Variants in RELA observed in about 807,000 individuals in gnomAD.
The protein encoded by RELA is transcription factor p65.
A neutral mutation model predicts 56.7 loss-of-function variants in RELA; 14 were observed. That is an observed-to-expected ratio of 0.25 (90% confidence interval 0.16 to 0.39). RELA has a LOEUF of 0.39. RELA is among the 10% of genes least tolerant of loss of function. RELA has a pLI of 1.00. For missense variants in RELA, 559 were observed against 736.4 expected, an observed-to-expected ratio of 0.76 and a Z score of 2.79; for synonymous variants, 315 against 289.7, an observed-to-expected ratio of 1.09 and a Z score of -0.89.
rs770416604 is a variant in RELA, at chr11:65,661,970, G to C, written c.153C>G (p.Ser51Arg). ...RSAGSIPGER[S>R]TDTTKTHPTI... ...TGGGGTGGGTCTTGGTGGTATCTGT[G>C]CTCCTCTCGCCTGGGATGCTGCCCG... The change falls in exon 3 of 11, where the codon AGC becomes AGG. Residue 51 changes from serine (S) to arginine (R), a missense_variant. By Grantham distance (110) the Ser-to-Arg change is moderately radical. Around this residue, in one of 4 missense-constraint regions of RELA, gnomAD observed 24 missense variants for 75.5 expected, o/e 0.32. Transcript: ENST00000406246. 1 of 1,613,900 alleles carries C rather than the reference G, an allele frequency of 6.2e-7. No homozygotes were observed.
Position 65,658,222 on chromosome 11 carries a change from AG to A in RELA, c.877+64del. 8.1e-7 allele frequency: 1 copy of A among 1,235,504 alleles called. No individual in the cohort carries two copies. The highest frequency in any genetic ancestry group is 1.4e-5 in the South Asian group (1 of 69,276). 76.5% of individuals were successfully genotyped at this position (1,235,504 alleles called of 1,614,324 possible). On this transcript the variant is annotated intron_variant, in intron 8 of 10. Coordinates refer to ENST00000406246, the MANE Select transcript of RELA (RefSeq NM_021975.4). The surrounding 1 kb of genome is among the most constrained non-coding windows in gnomAD (Gnocchi z 4.5). ...CCCTCAACCACAGCCCCAGACATGC[AG>A]TCTTGGCCTCTCTCTCACGGCACAG...
chr11:65,661,343 G>A (rs555133164), intron 4 of RELA: 1 of 218,344 alleles, frequency 4.6e-6, no homozygotes, highest in South Asian at 1.4e-4. Flanking sequence ...TTTTTTTACA[G>A]CCTGTCTCTG....
intron 8 of RELA, 103 bp from the exon 9 acceptor site, chr11:65,656,038 G>T: frequency 1.1e-6 from 1 of 935,660 alleles, no homozygotes; most frequent in Non-Finnish European, 1.7e-6. Flanking sequence ...GCTTTCCCAA[G>T]ACCCATTCTC....
intron 10 of RELA, 124 bp downstream of exon 10, chr11:65,655,564 G>T: frequency 1.1e-6 from 1 of 945,226 alleles, no homozygotes; most frequent in Non-Finnish European, 1.7e-6. Flanking sequence ...TGGTTCCTGC[G>T]CCATCCTTTC....
In RELA at chr11:65,661,798, G is replaced by C; in HGVS notation, c.224C>G (p.Ser75Cys). 5.0e-6 allele frequency: 8 copies of C among 1,613,874 alleles called. No homozygotes were observed. Among genetic ancestry groups the C allele is most frequent in the Non-Finnish European group, 6.8e-6 (8 of 1,179,910 alleles). ...GYTGPGTVRI[S>C]LVTKDPPHRP... ...GTGAGGAGGGTCCTTGGTGACCAGG[G>C]AGATGCGCACTGTCCCTGGTCCTGT... Residue 75 changes from serine (S) to cysteine (C), a missense_variant, in exon 4 of 11, where the codon TCC becomes TGC. Physicochemically the swap from Ser to Cys is moderately radical, Grantham distance 112. Coordinates refer to ENST00000406246, the MANE Select transcript of RELA (RefSeq NM_021975.4).
At position 65,662,417 on chromosome 11, in the gene RELA, C is replaced by T. The variant is rs1007409203; in HGVS notation, c.8-212G>A. 1.2e-5 allele frequency: 7 copies of T among 563,402 alleles called. No individual in the cohort carries two copies. In the South Asian group the frequency reaches 1.5e-4, roughly 12 times the overall value. 34.9% of individuals were successfully genotyped at this position (563,402 alleles called of 1,614,324 possible). ...GAAAACGGGGTAAGGAATCCTTCTT[C>T]TCCAGAGGGAAGCTGAATCAGGGCC... On this transcript the variant is annotated intron_variant, in intron 1 of 10. Transcript: ENST00000406246.
intron 10 of RELA, chr11:65,655,341 C>T (rs1269888824): frequency 1.6e-5 from 9 of 566,890 alleles, no homozygotes; most frequent in East Asian, 8.8e-5. Flanking sequence ...AAGTGAGCAG[C>T]GGCCTGAAGT....
Position 65,654,170 on chromosome 11 carries a change from G to T in RELA, c.*208C>A, listed in dbSNP as rs951804350. ...TTTCCCCAGCTCCCCCCTTTCCAGA[G>T]AAGTTAATGCTTCTGCTTAAGCACC... On this transcript the variant is annotated 3_prime_UTR_variant, in exon 11 of 11. Coordinates refer to ENST00000406246, the MANE Select transcript of RELA (RefSeq NM_021975.4). The T allele has an allele frequency of 7.3e-5, 51 of 700,826 alleles. No individual in the cohort carries two copies. Among genetic ancestry groups the T allele is most frequent in the Admixed American group, 5.3e-4 (24 of 45,490 alleles). 43.4% of individuals were successfully genotyped at this position (700,826 alleles called of 1,614,324 possible).
rs1006639532 is a variant in RELA, at chr11:65,660,049, G to A, written c.427+75C>T. On this transcript the variant is annotated intron_variant, in intron 5 of 10. Transcript: ENST00000406246. ...TTCCAGCTTTACTGTGTCTTGGCCA[G>A]TGAGGGAGATGCAGGAAAGGCGGGC... is the stretch of plus-strand genomic sequence containing the variant. 71 of 1,429,772 alleles carry A rather than the reference G, an allele frequency of 5.0e-5. 1 individual carries two copies. The highest frequency in any genetic ancestry group is 6.7e-5 in the Admixed American group (4 of 59,668). 88.6% of individuals were successfully genotyped at this position (1,429,772 alleles called of 1,614,324 possible).
intron 6 of RELA, among the ~76,000 whole-genome samples, chr11:65,659,324 C>T (rs1479081783): frequency 6.6e-6 from 1 of 152,176 alleles, no homozygotes; most frequent in Non-Finnish European, 1.5e-5. Context: ...ATCACTGAAT[C>T]ATCATTCTCG....
At position 65,654,189 on chromosome 11, in the gene RELA, A is replaced by T; in HGVS notation, c.*189T>A. 1.3e-6 allele frequency: 1 copy of T among 780,680 alleles called. No individual in the cohort carries two copies. Among genetic ancestry groups the T allele is most frequent in the Non-Finnish European group, 2.2e-6 (1 of 455,976 alleles). 48.4% of individuals were successfully genotyped at this position (780,680 alleles called of 1,614,324 possible). On this transcript the variant is annotated 3_prime_UTR_variant, in exon 11 of 11. Transcript: ENST00000406246. ...TCCAGAGAAGTTAATGCTTCTGCTTAAGCACCTCCAAAAAGAGAGAGAGAT... is the reference window on the plus strand; with the variant it reads ...TCCAGAGAAGTTAATGCTTCTGCTTTAGCACCTCCAAAAAGAGAGAGAGAT...
At chr11:65,659,576 G>A in intron 6 of RELA, 90 bp downstream of exon 6, 1 of 1,495,008 alleles carries the variant, frequency 6.7e-7, no homozygotes. Context: ...AATGAAGCCA[G>A]AGCGCCTCTT....
At chr11:65,656,353 T>C (rs1257484561) in intron 8 of RELA, among the ~76,000 whole-genome samples, 1 of 152,232 alleles carries the variant, frequency 6.6e-6, no homozygotes, top group Non-Finnish European at 1.5e-5. Context: ...CTTATTCTTA[T>C]CTCTAATGGT....
chr11:65,657,758 C>G (rs1211291109), intron 8 of RELA, among the ~76,000 whole-genome samples: 1 of 152,224 alleles, frequency 6.6e-6, no homozygotes, highest in Non-Finnish European at 1.5e-5. Context: ...ACTTAAGGAT[C>G]TGTTTTGCAC....
chr11:65,662,849 G>A lies in RELA; in HGVS notation c.-17C>T. 8.4e-7 allele frequency: 1 copy of A among 1,194,940 alleles called. No individual in the cohort carries two copies. Among genetic ancestry groups the A allele is most frequent in the East Asian group, 3.5e-5 (1 of 28,190 alleles). 74.0% of individuals were successfully genotyped at this position (1,194,940 alleles called of 1,614,324 possible). On this transcript the variant is annotated 5_prime_UTR_variant, in exon 1 of 11. Coordinates refer to ENST00000406246, the MANE Select transcript of RELA (RefSeq NM_021975.4). ...ACCGTCCATGGCCGGGGTCCCGGGG[G>A]CGGGGCCGGGGTCGCAGCTGGGCCC...
At chr11:65,660,236 G>C in intron 4 of RELA, 21 bp from the exon 5 acceptor site, 1 of 1,611,528 alleles carries the variant, frequency 6.2e-7, no homozygotes, top group Non-Finnish European at 8.5e-7. Context: ...CCAGTCGTCT[G>C]TCCCACTGTC....
In RELA at chr11:65,654,655, G is replaced by A. The variant is rs367873849; in HGVS notation, c.1379C>T (p.Pro460Leu). 4 of 1,576,812 alleles carry A rather than the reference G, an allele frequency of 2.5e-6. No homozygotes were observed. In the African/African-American group the frequency reaches 5.5e-5, roughly 22 times the overall value. The change falls in exon 11 of 11, where the codon CCA becomes CTA. Residue 460 changes from proline (P) to leucine (L), a missense_variant. This residue lies in a region of RELA where 365 missense variants were observed against 387.5 expected (regional missense o/e 0.94). Coordinates refer to ENST00000406246, the MANE Select transcript of RELA (RefSeq NM_021975.4). ...LGALLGNSTD[P>L]AVFTDLASVD... ...GGATGCCAGGTCTGTGAACACAGCTGGGTCTGTGCTGTTGCCAAGCAAGGC... is the reference window on the plus strand; with the variant it reads ...GGATGCCAGGTCTGTGAACACAGCTAGGTCTGTGCTGTTGCCAAGCAAGGC...
At chr11:65,661,617 C>T in intron 4 of RELA, 70 bp downstream of exon 4, 1 of 1,431,572 alleles carries the variant, frequency 7.0e-7, no homozygotes, top group South Asian at 1.3e-5. Context: ...AGGAGTAACA[C>T]TGTAGCGGCT....
At chr11:65,655,632 C>T (rs576183290) in intron 10 of RELA, 56 bp downstream of exon 10, 1 of 1,528,714 alleles carries the variant, frequency 6.5e-7, no homozygotes, top group African/African-American at 1.4e-5. Context: ...CTCCACTGCT[C>T]CTCAGCTGAA....
Sources: gnomAD v4.1 joint callset for allele counts (sites outside exome capture counted in the v4.1 genomes callset) on GRCh38, gnomAD v4.1.1 for gene constraint, gnomAD v4.1.1 regional missense constraint, Gnocchi (gnomAD v3.1) non-coding constraint, MANE v1.5 for transcripts, NCBI Gene and HGNC (gene_info 2026-07-23, HGNC 2026-07-21) for gene names.